Variants in CRYL1 observed in about 807,000 individuals in gnomAD.
CRYL1 encodes lambda-crystallin homolog.
Under a neutral mutation model 36.6 loss-of-function variants are expected in CRYL1, and 29 were observed. The ratio of observed to expected loss-of-function variants is 0.79; its 90% confidence interval spans 0.59 to 1.08. CRYL1 has a LOEUF of 1.08. CRYL1 is among the 50% of genes least tolerant of loss of function. CRYL1 has a pLI of 0.00. For synonymous variants in CRYL1, 152 were observed against 151.5 expected, an observed-to-expected ratio of 1.00 and a Z score of -0.02; for missense variants, 411 against 407.9, an observed-to-expected ratio of 1.01 and a Z score of -0.06.
chr13:20,480,821 C>T (rs966822704), intron 3 of CRYL1, among the ~76,000 whole-genome samples: 1 of 152,238 alleles, frequency 6.6e-6, no homozygotes, highest in African/African-American at 2.4e-5. Context: ...CTTTATTTTA[C>T]TGTCCTTCTT....
chr13:20,435,573 G>A lies in CRYL1; in HGVS notation c.439-3277C>T, dbSNP rs2032191490. Among the ~76,000 whole-genome samples, 1 of 152,222 alleles carries A rather than the reference G, an allele frequency of 6.6e-6. No homozygotes were observed. The highest frequency in any genetic ancestry group is 1.9e-4 in the East Asian group (1 of 5,180). On this transcript the variant is annotated intron_variant, in intron 4 of 7. Transcript: ENST00000298248. The surrounding 1 kb of genome is among the most constrained non-coding windows in gnomAD (Gnocchi z 4.0). The stretch of plus-strand genomic sequence containing the variant: ...TTGAATTTACCACAGTAGAGGGGAG[G>A]AGAGGAGGCGAGACAGGAGAGGAGG...
At chr13:20,516,714 T>C (rs1246092396) in intron 1 of CRYL1, among the ~76,000 whole-genome samples, 1 of 152,010 alleles carries the variant, frequency 6.6e-6, no homozygotes, top group Admixed American at 6.6e-5. Flanking sequence ...TCTCCTGACC[T>C]TGTGATCCAC....
At position 20,525,805 on chromosome 13, in the gene CRYL1, G is replaced by T. The variant is rs1442307098; in HGVS notation, c.-11C>A. On this transcript the variant is annotated 5_prime_UTR_variant, in exon 1 of 8. Transcript: ENST00000298248. This position sits in a 1 kb window ranked among gnomAD's most constrained non-coding sequence, Gnocchi z 4.3. ...CGCGGAGGACGCCATGGTTGGGCCG[G>T]GGACGCGGCGCCGCGGGCGCTGGGA... 8.1e-7 allele frequency: 1 copy of T among 1,240,328 alleles called. No individual in the cohort carries two copies. 76.8% of individuals were successfully genotyped at this position (1,240,328 alleles called of 1,614,324 possible).
intron 3 of CRYL1, among the ~76,000 whole-genome samples, chr13:20,450,204 C>T (rs1010704039): frequency 2.0e-5 from 3 of 152,142 alleles, no homozygotes; most frequent in Admixed American, 1.3e-4. Flanking sequence ...TATAAGGCTA[C>T]AGTAACCAAA....
intron 4 of CRYL1, chr13:20,433,891 C>T (rs946676799): frequency 6.5e-6 from 1 of 154,544 alleles, no homozygotes; most frequent in East Asian, 1.9e-4. Flanking sequence ...TGATGGTGAC[C>T]CCCAGTCTGC....
chr13:20,419,259 T>C (rs949553107), intron 5 of CRYL1, among the ~76,000 whole-genome samples: 2 of 152,172 alleles, frequency 1.3e-5, no homozygotes, highest in Admixed American at 6.5e-5. Context: ...TTGCAAATGC[T>C]ACAGGGAGTA....
chr13:20,496,453 G>C (rs1405965685), intron 2 of CRYL1, among the ~76,000 whole-genome samples: 1 of 152,190 alleles, frequency 6.6e-6, no homozygotes, highest in African/African-American at 2.4e-5. Flanking sequence ...AGATTTTACA[G>C]AATGACTTAG....
At chr13:20,514,401 C>T (rs1056902768) in intron 1 of CRYL1, among the ~76,000 whole-genome samples, 29 of 152,208 alleles carry the variant, frequency 1.9e-4, no homozygotes, top group Admixed American at 7.9e-4. Flanking sequence ...AGAAGAACAT[C>T]GGACAAATCC....
At chr13:20,477,822 A>G (rs1463822034) in intron 3 of CRYL1, among the ~76,000 whole-genome samples, 1 of 145,930 alleles carries the variant, frequency 6.9e-6, no homozygotes, top group African/African-American at 2.5e-5. Flanking sequence ...TATATATTAT[A>G]CTAAAATATA....
intron 1 of CRYL1, among the ~76,000 whole-genome samples, chr13:20,522,067 A>G (rs2034106504): frequency 6.6e-6 from 1 of 152,188 alleles, no homozygotes. Context: ...AAAAATGCAC[A>G]GGCCAGGTGT....
chr13:20,520,770 CTGGG>C (rs2034079339), intron 1 of CRYL1, among the ~76,000 whole-genome samples: 2 of 152,194 alleles, frequency 1.3e-5, no homozygotes. Flanking sequence ...CATCTGCAGC[CTGGG>C]ATGCACAGAG....
At chr13:20,431,511 C>A in intron 5 of CRYL1, 4 of 998,576 alleles carry the variant, frequency 4.0e-6, no homozygotes, top group Non-Finnish European at 4.8e-6. Flanking sequence ...GGCACCACGG[C>A]CCCTCATGCA....
chr13:20,474,339 G>A (rs986672555), intron 3 of CRYL1, among the ~76,000 whole-genome samples: 1 of 152,108 alleles, frequency 6.6e-6, no homozygotes, highest in Non-Finnish European at 1.5e-5. Context: ...GCCCTGTCCC[G>A]TCCCCAGCCG....
chr13:20,484,145 AAGAAAACTG>A (rs2033346141), intron 3 of CRYL1, among the ~76,000 whole-genome samples: 1 of 152,188 alleles, frequency 6.6e-6, no homozygotes, highest in Non-Finnish European at 1.5e-5. Context: ...TTTTTAAAAA[AAGAAAACTG>A]TCTCCAAGTA....
Position 20,413,369 on chromosome 13 carries a change from T to C in CRYL1, c.652A>G (p.Ser218Gly). 1 of 1,612,574 alleles carries C rather than the reference T, an allele frequency of 6.2e-7. No individual in the cohort carries two copies. The highest frequency in any genetic ancestry group is 1.1e-5 in the South Asian group (1 of 90,924). ...TCTGACATGACAAGGTCCAGGTCACTAGGAGACACGATTCCTTCCTACGTG... is the reference window on the plus strand; with the variant it reads ...TCTGACATGACAAGGTCCAGGTCACCAGGAGACACGATTCCTTCCTACGTG... ...RLVEEGIVSP[S>G]DLDLVMSEGL... The change falls in exon 6 of 8, where the codon AGT (serine) becomes GGT (glycine). Residue 218 changes from serine (S) to glycine (G), a missense_variant. Physicochemically the swap from Ser to Gly is moderately conservative, Grantham distance 56. Coordinates refer to ENST00000298248, the MANE Select transcript of CRYL1 (RefSeq NM_015974.3).
intron 3 of CRYL1, among the ~76,000 whole-genome samples, chr13:20,463,178 C>T (rs569284997): frequency 6.6e-6 from 1 of 152,240 alleles, no homozygotes; most frequent in South Asian, 2.1e-4. Flanking sequence ...GCAACCTGCA[C>T]CAAAGGCCTT....
intron 3 of CRYL1, among the ~76,000 whole-genome samples, chr13:20,484,661 C>T (rs1363889789): frequency 1.3e-5 from 2 of 151,928 alleles, no homozygotes; most frequent in Admixed American, 1.3e-4. Flanking sequence ...CCGAGCACAT[C>T]GTACAGCAGG....
At chr13:20,460,569 A>C (rs1232381340) in intron 3 of CRYL1, among the ~76,000 whole-genome samples, 1 of 112,098 alleles carries the variant, frequency 8.9e-6, no homozygotes, top group Non-Finnish European at 1.6e-5. Context: ...TCTGTCGCCC[A>C]GGCTGGAGTG....
At chr13:20,470,154 C>T in intron 3 of CRYL1, among the ~76,000 whole-genome samples, 1 of 152,214 alleles carries the variant, frequency 6.6e-6, no homozygotes, top group East Asian at 1.9e-4. Context: ...AAATCAAAGT[C>T]TCATTAAAAG....
Sources: gnomAD v4.1 joint callset for allele counts (sites outside exome capture counted in the v4.1 genomes callset) on GRCh38, gnomAD v4.1.1 for gene constraint, Gnocchi (gnomAD v3.1) non-coding constraint, MANE v1.5 for transcripts, NCBI Gene and HGNC (gene_info 2026-07-23, HGNC 2026-07-21) for gene names.